Variants in FER observed in about 807,000 individuals in gnomAD.
The protein encoded by FER is tyrosine-protein kinase Fer.
FER carries 63 observed loss-of-function variants against 111.0 expected under a neutral mutation model. That is an observed-to-expected ratio of 0.57 (90% CI 0.46 to 0.70). The LOEUF (loss-of-function observed/expected upper bound fraction) is 0.70. Among genes scored for constraint, FER ranks in the 30% least tolerant of loss-of-function variants. The pLI is 0.00. For missense variants in FER, 914 were observed against 954.0 expected, an observed-to-expected ratio of 0.96 and a Z score of 0.55; for synonymous variants, 327 against 313.9, an observed-to-expected ratio of 1.04 and a Z score of -0.44.
chr5:109,141,067 C>T (rs1753471966), intron 17 of FER, among the ~76,000 whole-genome samples: 1 of 152,150 alleles, frequency 6.6e-6, no homozygotes, highest in Admixed American at 6.6e-5. Context: ...AAGTATAAGA[C>T]TTAATGGAGG....
chr5:108,904,091 C>G (rs1431871628), intron 10 of FER, among the ~76,000 whole-genome samples: 2 of 151,708 alleles, frequency 1.3e-5, no homozygotes, highest in East Asian at 3.9e-4. Flanking sequence ...TTTATCCATT[C>G]AAAAAGCAAA....
At chr5:108,794,328 C>T (rs1174494147) in intron 2 of FER, among the ~76,000 whole-genome samples, 1 of 151,810 alleles carries the variant, frequency 6.6e-6, no homozygotes, top group African/African-American at 2.4e-5. Flanking sequence ...AGTGATTCTC[C>T]TGCTGCGGCC....
intron 3 of FER, among the ~76,000 whole-genome samples, chr5:108,802,260 A>C (rs1756742679): frequency 6.6e-6 from 1 of 152,114 alleles, no homozygotes; most frequent in Non-Finnish European, 1.5e-5. Context: ...GCTTGGAATT[A>C]CATTGAATGT....
At chr5:109,138,471 G>C (rs183901993) in intron 17 of FER, among the ~76,000 whole-genome samples, 3 of 152,202 alleles carry the variant, frequency 2.0e-5, no homozygotes, top group Admixed American at 2.0e-4. Flanking sequence ...TCCAATCATC[G>C]TGTTATACAC....
chr5:108,840,356 C>T (rs1463201265), intron 5 of FER, among the ~76,000 whole-genome samples: 1 of 152,136 alleles, frequency 6.6e-6, no homozygotes, highest in East Asian at 1.9e-4. Context: ...TCAAAAACCA[C>T]AATTACTTTT....
intron 5 of FER, among the ~76,000 whole-genome samples, chr5:108,836,247 A>T (rs549292335): frequency 6.6e-6 from 1 of 152,106 alleles, no homozygotes; most frequent in African/African-American, 2.4e-5. Flanking sequence ...TTATGTGTCT[A>T]TATTGCCCTA....
At chr5:109,109,757 A>G (rs977964892) in intron 17 of FER, among the ~76,000 whole-genome samples, 5 of 152,170 alleles carry the variant, frequency 3.3e-5, no homozygotes, top group Non-Finnish European at 5.9e-5. Context: ...AGATAGCCAC[A>G]TAAAGCAAGA....
At chr5:109,100,203 TG>T (rs1317689356) in intron 16 of FER, among the ~76,000 whole-genome samples, 192 bp from the exon 17 acceptor site, 1 of 151,774 alleles carries the variant, frequency 6.6e-6, no homozygotes, top group Non-Finnish European at 1.5e-5. Flanking sequence ...GAAGAGATTA[TG>T]GTGTCTGTTT....
chr5:108,928,755 A>G (rs899106070), intron 10 of FER, among the ~76,000 whole-genome samples: 2 of 144,162 alleles, frequency 1.4e-5, no homozygotes, highest in South Asian at 2.1e-4. Context: ...ATACATATAT[A>G]TAAAGTCTGT....
chr5:109,084,449 T>A (rs549654803), intron 16 of FER, among the ~76,000 whole-genome samples: 5 of 152,066 alleles, frequency 3.3e-5, no homozygotes, highest in African/African-American at 1.2e-4. Context: ...ATGGTACACT[T>A]AAAAATGATA....
At chr5:108,896,358 A>G (rs1183500241) in intron 9 of FER, among the ~76,000 whole-genome samples, 1 of 152,184 alleles carries the variant, frequency 6.6e-6, no homozygotes, top group East Asian at 1.9e-4. Flanking sequence ...AAAAGAAGAT[A>G]CTAACTAATA....
intron 17 of FER, among the ~76,000 whole-genome samples, chr5:109,143,169 C>G (rs1292494620): frequency 6.6e-6 from 1 of 152,066 alleles, no homozygotes; most frequent in Non-Finnish European, 1.5e-5. Context: ...CATGGACAGT[C>G]AGAGTCAGCA....
chr5:109,191,580 G>A lies in FER; in HGVS notation c.*4005G>A, dbSNP rs958844781. 2.0e-5 allele frequency: 3 copies of A among 151,878 alleles called. No individual in the cohort carries two copies. Among genetic ancestry groups the A allele is most frequent in the Non-Finnish European group, 4.4e-5 (3 of 67,946 alleles). 9.4% of individuals were successfully genotyped at this position (151,878 alleles called of 1,614,324 possible). A position where few individuals can be genotyped will look rare whatever the true frequency, so the allele number is the denominator to read the frequency against. ...GTTGGAAAAGACATGTTTTCTTTAGGTATTAATATCTTAATTAAATGGAAT... is the reference window on the plus strand; with the variant it reads ...GTTGGAAAAGACATGTTTTCTTTAGATATTAATATCTTAATTAAATGGAAT... On this transcript the variant is annotated 3_prime_UTR_variant, in exon 20 of 20. Transcript: ENST00000281092.
intron 17 of FER, among the ~76,000 whole-genome samples, chr5:109,159,914 A>T (rs1755819388): frequency 6.6e-6 from 1 of 151,878 alleles, no homozygotes; most frequent in African/African-American, 2.4e-5. Context: ...GTTTTGATTT[A>T]CCTACCTTTT....
chr5:109,188,140 T>C lies in FER; in HGVS notation c.*565T>C, dbSNP rs1340515092. ...TATAAGCCCAATGTAAGAATCATCA[T>C]GCTCCTACATTATTTGTAAGGTTGT... On this transcript the variant is annotated 3_prime_UTR_variant, in exon 20 of 20. Coordinates refer to ENST00000281092, the MANE Select transcript of FER (RefSeq NM_005246.4). The C allele has an allele frequency of 6.6e-6, 1 of 152,162 alleles. No homozygotes were observed. Among genetic ancestry groups the C allele is most frequent in the Non-Finnish European group, 1.5e-5 (1 of 68,144 alleles). The allele number at this position is 152,162 out of a possible 1,614,324, so 9.4% of individuals were successfully genotyped here. A position where few individuals can be genotyped will look rare whatever the true frequency, so the allele number is the denominator to read the frequency against.
chr5:108,749,573 C>A (rs986159779), intron 1 of FER, among the ~76,000 whole-genome samples: 1 of 152,190 alleles, frequency 6.6e-6, no homozygotes, highest in African/African-American at 2.4e-5. Context: ...TCCCTTGACC[C>A]GCTCGGTCCT....
intron 16 of FER, among the ~76,000 whole-genome samples, chr5:109,093,374 T>C (rs527356841): frequency 8.6e-4 from 131 of 152,310 alleles, no homozygotes; most frequent in Non-Finnish European, 1.6e-3. Context: ...TATTTCAATA[T>C]AATATTTCTG....
intron 5 of FER, among the ~76,000 whole-genome samples, chr5:108,860,406 A>G (rs908955059): frequency 6.6e-6 from 1 of 152,232 alleles, no homozygotes; most frequent in Non-Finnish European, 1.5e-5. Context: ...AAGGGCAGAT[A>G]ATTTAATTCC....
intron 3 of FER, among the ~76,000 whole-genome samples, chr5:108,819,132 C>T (rs779582192): frequency 6.6e-6 from 1 of 151,380 alleles, no homozygotes; most frequent in Non-Finnish European, 1.5e-5. Flanking sequence ...CCTCTCACCT[C>T]AGCCTCCCGA....
Sources: allele counts gnomAD v4.1 joint callset (sites outside exome capture counted in the v4.1 genomes callset), GRCh38; gene constraint gnomAD v4.1.1; transcripts MANE v1.5; gene names NCBI Gene and HGNC (gene_info 2026-07-23, HGNC 2026-07-21).